EIF2AK4: variants seen among roughly 807,000 people sequenced by gnomAD.
The protein encoded by EIF2AK4 is eIF-2-alpha kinase GCN2.
A neutral mutation model predicts 211.1 loss-of-function variants in EIF2AK4; 139 were observed. The observed-to-expected ratio is 0.66, with a 90% CI of 0.57 to 0.76. The LOEUF (loss-of-function observed/expected upper bound fraction) is 0.76. Ranked by LOEUF, EIF2AK4 falls within the 30% of genes least tolerant of loss-of-function variation. EIF2AK4 has a pLI of 0.00. For synonymous variants in EIF2AK4, 710 were observed against 751.3 expected (o/e 0.94, Z 0.90); for missense variants, 1,664 against 2,043.8 (o/e 0.81, Z 3.58).
chr15:39,947,773 G>A (rs1264765961), intron 3 of EIF2AK4, among the ~76,000 whole-genome samples: 1 of 152,250 alleles, frequency 6.6e-6, no homozygotes, highest in Non-Finnish European at 1.5e-5. Flanking sequence ...GTCTGAGGGA[G>A]GCCAGTGAGC....
intron 16 of EIF2AK4, 122 bp from the exon 17 acceptor site, chr15:39,992,053 C>T (rs2034951033): frequency 1.5e-5 from 14 of 918,436 alleles, no homozygotes; most frequent in South Asian, 8.2e-5. Flanking sequence ...AAACTCAAAG[C>T]GTTATTATAT....
chr15:40,005,151 C>G (rs2035143522), intron 23 of EIF2AK4, among the ~76,000 whole-genome samples: 1 of 152,148 alleles, frequency 6.6e-6, no homozygotes, highest in Non-Finnish European at 1.5e-5. Flanking sequence ...GGCAAATGCT[C>G]TGTCATTTTA....
intron 6 of EIF2AK4, among the ~76,000 whole-genome samples, chr15:39,957,596 G>C (rs550947624): frequency 2.2e-4 from 34 of 152,190 alleles, no homozygotes; most frequent in African/African-American, 6.5e-4. Flanking sequence ...ATAACACTTA[G>C]CACTAGCTGA....
At chr15:40,011,174 AGTTT>A in intron 26 of EIF2AK4, 103 bp from the exon 27 acceptor site, 1 of 818,348 alleles carries the variant, frequency 1.2e-6, no homozygotes, top group Non-Finnish European at 2.0e-6. Context: ...CATTAGGAGC[AGTTT>A]GTTCAAAATG....
intron 26 of EIF2AK4, 89 bp from the exon 27 acceptor site, chr15:40,011,192 G>A (rs570391411): frequency 5.1e-5 from 53 of 1,040,860 alleles, no homozygotes; most frequent in Non-Finnish European, 6.8e-5. Context: ...CAAAATGAAG[G>A]CTATACTTGT....
chr15:39,981,097 T>A (rs572534631), intron 13 of EIF2AK4, among the ~76,000 whole-genome samples: 2 of 152,274 alleles, frequency 1.3e-5, no homozygotes, highest in East Asian at 3.9e-4. Context: ...CTATGTTGGC[T>A]GCAGTGGCTC....
chr15:40,004,954 C>T (rs562163654), intron 23 of EIF2AK4, among the ~76,000 whole-genome samples: 4 of 152,264 alleles, frequency 2.6e-5, no homozygotes, highest in African/African-American at 7.2e-5. Flanking sequence ...TCCACATCCA[C>T]GTATCCAGCC....
intron 7 of EIF2AK4, among the ~76,000 whole-genome samples, chr15:39,964,584 T>C (rs7170569): frequency 0.92 from 139,558 of 152,122 alleles, 64,375 homozygotes; most frequent in Middle Eastern, 0.97. Context: ...TGTCAAGGTG[T>C]TATATATATG....
At chr15:39,996,292 T>G (rs1178998030) in intron 18 of EIF2AK4, among the ~76,000 whole-genome samples, 1 of 152,238 alleles carries the variant, frequency 6.6e-6, no homozygotes, top group Non-Finnish European at 1.5e-5. Context: ...TTAGCTAAGA[T>G]GTGAAACAAA....
In EIF2AK4 at chr15:39,992,565, A is replaced by G. The variant is rs547225923; in HGVS notation, c.2687-204A>G. ...GCACTGTCCCTCCTCTTCAATAGCA[A>G]AGACATCCTTGTGTAGAACCGAATG... is the stretch of plus-strand genomic sequence containing the variant. On this transcript the variant is annotated intron_variant, in intron 17 of 38. Transcript: ENST00000263791. The G allele has an allele frequency of 6.7e-6, 4 of 594,792 alleles. No homozygotes were observed. In the South Asian group the frequency reaches 8.2e-5, roughly 12 times the overall value. 36.8% of individuals were successfully genotyped at this position (594,792 alleles called of 1,614,324 possible).
At chr15:40,003,056 G>A (rs2035113676) in intron 22 of EIF2AK4, 137 bp from the exon 23 acceptor site, 1 of 1,312,390 alleles carries the variant, frequency 7.6e-7, no homozygotes. Flanking sequence ...TATAAATTTA[G>A]AGAACTCAAG....
intron 19 of EIF2AK4, among the ~76,000 whole-genome samples, chr15:39,998,300 C>A (rs2035048064): frequency 8.3e-6 from 1 of 120,614 alleles, no homozygotes; most frequent in African/African-American, 2.9e-5. Context: ...TTTTCATCTG[C>A]ATGTTTAATT....
In EIF2AK4 at chr15:40,035,272, C is replaced by T. The variant is rs1235312359; in HGVS notation, c.*188C>T. Reference sequence around the variant, plus strand: ...ACTGCTTGAAACCAGGAGTTTGAGACCAGCCTGAGCAACAAAGCAAGACCC... The same window carrying T: ...ACTGCTTGAAACCAGGAGTTTGAGATCAGCCTGAGCAACAAAGCAAGACCC... On this transcript the variant is annotated 3_prime_UTR_variant, in exon 39 of 39. Transcript: ENST00000263791. The T allele has an allele frequency of 1.3e-5, 5 of 388,654 alleles. No individual in the cohort carries two copies. Among genetic ancestry groups the T allele is most frequent in the East Asian group, 1.2e-4 (3 of 24,536 alleles). 24.1% of individuals were successfully genotyped at this position (388,654 alleles called of 1,614,324 possible).
At chr15:39,969,356 CTTTTTT>C (rs10550245) in intron 9 of EIF2AK4, among the ~76,000 whole-genome samples, 8,687 of 101,340 alleles carry the variant, frequency 0.086, 415 homozygotes, top group Admixed American at 0.25. Flanking sequence ...ATTTCTTATT[CTTTTTT>C]TTTTTTTTTT....
At chr15:40,002,815 A>G in intron 22 of EIF2AK4, 27 bp downstream of exon 22, 2 of 1,611,598 alleles carry the variant, frequency 1.2e-6, no homozygotes, top group South Asian at 1.1e-5. Context: ...TAAAAATGAT[A>G]TTTCTTCTCA....
Position 39,990,326 on chromosome 15 carries a change from C to T in EIF2AK4, c.2580C>T (p.Asp860=). The T allele has an allele frequency of 6.2e-7, 1 of 1,614,166 alleles. No homozygotes were observed. The highest frequency in any genetic ancestry group is 8.5e-7 in the Non-Finnish European group (1 of 1,180,020). ...TCAACATTTTTTTGGATTCTGATGA[C>T]CATGTGAAAATAGGTGATTTTGGTT... is the stretch of plus-strand genomic sequence containing the variant. ...KPVNIFLDSD[D]HVKIGDFGLA... is the part of the protein sequence containing the mutation. The change falls in exon 16 of 39, where the codon GAC becomes GAT. Residue 860 remains aspartate, a synonymous_variant. Coordinates refer to ENST00000263791, the MANE Select transcript of EIF2AK4 (RefSeq NM_001013703.4).
In EIF2AK4 at chr15:40,003,327, A is replaced by G. The variant is rs1311260197; in HGVS notation, c.3357+13A>G. 1.2e-6 allele frequency: 2 copies of G among 1,613,748 alleles called. No individual in the cohort carries two copies. Among genetic ancestry groups the G allele is most frequent in the South Asian group, 1.1e-5 (1 of 91,036 alleles). On this transcript the variant is annotated intron_variant, in intron 23 of 38. Coordinates refer to ENST00000263791, the MANE Select transcript of EIF2AK4 (RefSeq NM_001013703.4). ...TTTTGACCTGCGGGTGAGGCTGGGA[A>G]CACACTGCTGACAATCAGAATGCTG...
At chr15:40,027,751 C>T (rs935241295) in intron 33 of EIF2AK4, among the ~76,000 whole-genome samples, 9 of 152,012 alleles carry the variant, frequency 5.9e-5, no homozygotes, top group African/African-American at 2.2e-4. Context: ...ATTAGCGGGG[C>T]ATGGTGGCGG....
intron 16 of EIF2AK4, 170 bp from the exon 17 acceptor site, chr15:39,992,005 C>T: frequency 1.8e-6 from 1 of 543,074 alleles, no homozygotes; most frequent in East Asian, 3.0e-5. Context: ...TTCTGAGAGC[C>T]TTGCATTAGT....
Sources: allele counts gnomAD v4.1 joint callset (sites outside exome capture counted in the v4.1 genomes callset), GRCh38; gene constraint gnomAD v4.1.1; transcripts MANE v1.5; gene names NCBI Gene and HGNC (gene_info 2026-07-23, HGNC 2026-07-21).